GRIK2: variants seen among roughly 807,000 people sequenced by gnomAD.
GRIK2 encodes glutamate receptor ionotropic, kainate 2.
Under a neutral mutation model 100.3 loss-of-function variants are expected in GRIK2, and 32 were observed. That is an observed-to-expected ratio of 0.32 (90% CI 0.24 to 0.43). GRIK2 has a LOEUF of 0.43. GRIK2 is among the 20% of genes least tolerant of loss of function. GRIK2 has a pLI of 1.00. For missense variants in GRIK2, 843 were observed against 1,114.9 expected (o/e 0.76, Z 3.47); for synonymous variants, 417 against 389.4 (o/e 1.07, Z -0.83).
At chr6:101,596,206 C>T (rs1472170777) in intron 2 of GRIK2, among the ~76,000 whole-genome samples, 1 of 140,444 alleles carries the variant, frequency 7.1e-6, no homozygotes, top group Non-Finnish European at 1.6e-5. Context: ...TAAACTAATC[C>T]TTTTTTTTTT....
rs532189304 is a variant in GRIK2, at chr6:101,439,327, A to C, written c.115+39935A>C. The stretch of plus-strand genomic sequence containing the variant: ...AGTAACAGCTTTATGCATAAAGAGC[A>C]TCTTGAGGCCTTTACCCTCAGAAAG... On this transcript the variant is annotated intron_variant, in intron 2 of 16. Transcript: ENST00000369134. Among the ~76,000 whole-genome samples the C allele has an allele frequency of 3.9e-5, 6 of 152,132 alleles. No individual in the cohort carries two copies. In the East Asian group the frequency reaches 1.2e-3, roughly 29 times the overall value.
At chr6:101,929,752 C>G (rs1245675553) in intron 14 of GRIK2, among the ~76,000 whole-genome samples, 3 of 151,786 alleles carry the variant, frequency 2.0e-5, no homozygotes, top group Admixed American at 1.3e-4. Flanking sequence ...ACATCCAATT[C>G]CCCCAAAAAT....
intron 2 of GRIK2, among the ~76,000 whole-genome samples, chr6:101,551,689 T>C (rs1010864964): frequency 1.3e-5 from 2 of 152,138 alleles, no homozygotes; most frequent in African/African-American, 4.8e-5. Flanking sequence ...ATAAGACTTA[T>C]ACTACCAAAA....
chr6:101,581,721 A>G (rs781076619), intron 2 of GRIK2, among the ~76,000 whole-genome samples: 1 of 152,160 alleles, frequency 6.6e-6, no homozygotes, highest in African/African-American at 2.4e-5. Flanking sequence ...AAACACACAA[A>G]TATCTGTCTG....
intron 2 of GRIK2, among the ~76,000 whole-genome samples, chr6:101,438,292 TG>T (rs1336786917): frequency 2.6e-5 from 4 of 152,068 alleles, no homozygotes; most frequent in Admixed American, 6.6e-5. Flanking sequence ...TATTTGTTGT[TG>T]TTTTTTTTGT....
chr6:101,668,061 CAAAG>C (rs1175974883), intron 4 of GRIK2, among the ~76,000 whole-genome samples: 2 of 152,058 alleles, frequency 1.3e-5, no homozygotes, highest in Admixed American at 6.6e-5. Flanking sequence ...AAGAAAATTT[CAAAG>C]AAAGAAGGCA....
At chr6:101,873,898 G>T (rs935889521) in intron 11 of GRIK2, among the ~76,000 whole-genome samples, 20 of 151,978 alleles carry the variant, frequency 1.3e-4, no homozygotes, top group Non-Finnish European at 2.2e-4. Flanking sequence ...TGTCTTCTTT[G>T]GAGAAGTGTC....
At chr6:101,824,634 T>C (rs1021017019) in intron 10 of GRIK2, among the ~76,000 whole-genome samples, 3 of 152,196 alleles carry the variant, frequency 2.0e-5, no homozygotes, top group Admixed American at 6.6e-5. Context: ...AGTAACACTT[T>C]AGCATACAAA....
intron 4 of GRIK2, among the ~76,000 whole-genome samples, chr6:101,667,566 G>T (rs1398025685): frequency 6.6e-6 from 1 of 152,108 alleles, no homozygotes; most frequent in Non-Finnish European, 1.5e-5. Context: ...GTTTTCATGG[G>T]ATTGTAAAGG....
chr6:101,409,070 T>G (rs1428168424), intron 2 of GRIK2, among the ~76,000 whole-genome samples: 1 of 151,868 alleles, frequency 6.6e-6, no homozygotes, highest in Non-Finnish European at 1.5e-5. Flanking sequence ...TGTTTTATGT[T>G]TAGTTCCAAG....
chr6:101,742,359 T>A (rs775077262), intron 7 of GRIK2, among the ~76,000 whole-genome samples: 1 of 151,920 alleles, frequency 6.6e-6, no homozygotes, highest in Non-Finnish European at 1.5e-5. Context: ...AGAATCAGGG[T>A]GGACTAAGGT....
intron 7 of GRIK2, among the ~76,000 whole-genome samples, chr6:101,782,834 G>A (rs535617556): frequency 3.9e-4 from 58 of 150,220 alleles, no homozygotes; most frequent in Admixed American, 8.0e-4. Context: ...ATATGGTTTA[G>A]CTTTGTGTCC....
At chr6:101,744,558 AT>A (rs1776302047) in intron 7 of GRIK2, 2 of 115,016 alleles carry the variant, frequency 1.7e-5, no homozygotes, top group East Asian at 2.6e-4. Flanking sequence ...ATATATATAT[AT>A]CACAATTTCT....
At chr6:101,650,964 C>T (rs559774614) in intron 4 of GRIK2, among the ~76,000 whole-genome samples, 1 of 151,240 alleles carries the variant, frequency 6.6e-6, no homozygotes, top group African/African-American at 2.4e-5. Flanking sequence ...AGAAAGAGAC[C>T]TCCAGTTAGA....
At chr6:101,407,708 T>C (rs1331831185) in intron 2 of GRIK2, among the ~76,000 whole-genome samples, 2 of 152,146 alleles carry the variant, frequency 1.3e-5, no homozygotes, top group African/African-American at 4.8e-5. Flanking sequence ...AATATTAAAG[T>C]GAGCACATAT....
intron 14 of GRIK2, among the ~76,000 whole-genome samples, chr6:101,957,841 T>G (rs1792036680): frequency 6.6e-6 from 1 of 152,068 alleles, no homozygotes; most frequent in Non-Finnish European, 1.5e-5. Context: ...TGGTTGTAGG[T>G]ATGTGGCTTT....
At position 101,816,603 on chromosome 6, in the gene GRIK2, A is replaced by G. The variant is rs542751091; in HGVS notation, c.1204-1767A>G. 4.4e-3 allele frequency among the ~76,000 whole-genome samples: 667 copies of G among 152,250 alleles called. 3 individuals are homozygous for G. The highest frequency in any genetic ancestry group is 7.0e-3 in the Non-Finnish European group (473 of 68,004). ...CTACTCGGGAGGCTGAGGCAGGAGA[A>G]TTGCTTGAACCCGGGAGGCAGAGGT... On this transcript the variant is annotated intron_variant, in intron 9 of 16. Coordinates refer to ENST00000369134, the MANE Select transcript of GRIK2 (RefSeq NM_021956.5).
In GRIK2 at chr6:101,697,305, T is replaced by C. The variant is rs1231202258; in HGVS notation, c.951+10952T>C. Among the ~76,000 whole-genome samples, 5 of 151,830 alleles carry C rather than the reference T, an allele frequency of 3.3e-5. No homozygotes were observed. In the Admixed American group the frequency reaches 3.3e-4, roughly 10 times the overall value. ...TTTCAGCATTAATTATCATCTGTTG[T>C]ATGCAAAATCACTGTAGTAGATACT... On this transcript the variant is annotated intron_variant, in intron 7 of 16. Transcript: ENST00000369134.
At chr6:101,971,906 G>C (rs1255629809) in intron 14 of GRIK2, among the ~76,000 whole-genome samples, 1 of 151,928 alleles carries the variant, frequency 6.6e-6, no homozygotes, top group Non-Finnish European at 1.5e-5. Context: ...CTGCATGCAT[G>C]TTGCTGCAAA....
Sources: gnomAD v4.1 joint callset for allele counts (sites outside exome capture counted in the v4.1 genomes callset) on GRCh38, gnomAD v4.1.1 for gene constraint, MANE v1.5 for transcripts, NCBI Gene and HGNC (gene_info 2026-07-23, HGNC 2026-07-21) for gene names.